Variants in ZNF662 observed in about 807,000 individuals in gnomAD.
ZNF662 encodes zinc finger protein 662.
In ZNF662, 14 loss-of-function variants were observed where a neutral mutation model predicts 12.4. That is an observed-to-expected ratio of 1.13 (90% confidence interval 0.75 to 1.77). ZNF662 has a LOEUF of 1.77. Among genes scored for constraint, ZNF662 ranks in the 40% most tolerant of loss-of-function variants. ZNF662 has a pLI of 0.00. For missense variants in ZNF662, 550 were observed against 515.6 expected (o/e 1.07, Z -0.65); for synonymous variants, 184 against 176.4 (o/e 1.04, Z -0.34).
Position 42,918,484 on chromosome 3 carries a change from C to A in ZNF662, c.*3130C>A, listed in dbSNP as rs1266386429. Among the ~76,000 whole-genome samples the A allele has an allele frequency of 6.6e-6, 1 of 152,172 alleles. No individual in the cohort carries two copies. Among genetic ancestry groups the A allele is most frequent in the South Asian group, 2.1e-4 (1 of 4,822 alleles). ...GCAGGCAGGCCCTTAGTCTGAGCCA[C>A]TCCACATTATTTCCCTTACTGTGTA... On this transcript the variant is annotated 3_prime_UTR_variant, in exon 5 of 5. Transcript: ENST00000440367.
Position 42,913,282 on chromosome 3 carries a change from G to T in ZNF662, c.233G>T (p.Gly78Val), listed in dbSNP as rs2088853213. The change falls in exon 4 of 5, where the codon GGT (glycine) becomes GTT (valine). Residue 78 changes from glycine (G) to valine (V), a missense_variant. Gly to Val is a moderately radical substitution (Grantham distance 109). Transcript: ENST00000440367. ...EPLNLKLQGEGPSLICPEGVL... is the reference protein window; with the variant it reads ...EPLNLKLQGEVPSLICPEGVL... ...TTAAACCTGAAACTGCAAGGAGAGGGTCCAAGCCTGATTTGTCCGGGTAAG... is the reference window on the plus strand; with the variant it reads ...TTAAACCTGAAACTGCAAGGAGAGGTTCCAAGCCTGATTTGTCCGGGTAAG... The T allele has an allele frequency of 1.2e-6, 2 of 1,613,862 alleles. No homozygotes were observed. Among genetic ancestry groups the T allele is most frequent in the African/African-American group, 2.7e-5 (2 of 75,018 alleles).
At chr3:42,913,088 C>A (rs779541405) in intron 3 of ZNF662, 113 bp from the exon 4 acceptor site, 13 of 725,710 alleles carry the variant, frequency 1.8e-5, no homozygotes, top group Non-Finnish European at 2.6e-5. Flanking sequence ...ATCTATGTTA[C>A]CAATCTTTTC....
chr3:42,912,283 ATATAAT>A (rs1388673779), intron 3 of ZNF662, among the ~76,000 whole-genome samples: 16 of 123,442 alleles, frequency 1.3e-4, no homozygotes, highest in African/African-American at 4.9e-4. Flanking sequence ...TTATATATAA[ATATAAT>A]TATATATAAA....
At chr3:42,912,691 A>ATTTTTTT (rs1350631884) in intron 3 of ZNF662, among the ~76,000 whole-genome samples, 2 of 20,390 alleles carry the variant, frequency 9.8e-5, no homozygotes, top group African/African-American at 2.2e-4. Flanking sequence ...AAATATATAT[A>ATTTTTTT]TATTTTATAT....
intron 3 of ZNF662, among the ~76,000 whole-genome samples, chr3:42,912,636 T>C (rs1367681791): frequency 1.3e-5 from 1 of 75,332 alleles, no homozygotes; most frequent in East Asian, 3.5e-4. Context: ...TATATTTATA[T>C]ATTTTATATA....
At chr3:42,914,299 C>T (rs769588592) in intron 4 of ZNF662, 28 bp from the exon 5 acceptor site, 4 of 1,556,256 alleles carry the variant, frequency 2.6e-6, no homozygotes, top group Non-Finnish European at 2.6e-6. Context: ...ATAATGATGA[C>T]ATTTGAAGCT....
At chr3:42,912,655 T>TATATATATATTTTTATATATATAGAA (rs1559381489) in intron 3 of ZNF662, among the ~76,000 whole-genome samples, 1 of 46,712 alleles carries the variant, frequency 2.1e-5, no homozygotes, top group Non-Finnish European at 3.6e-5. Flanking sequence ...TATATATAAA[T>TATATATATATTTTTATATATATAGAA]ATATATATAT....
At chr3:42,912,709 T>TATATATATATATTTTTTATATATATAAA (rs2088839803) in intron 3 of ZNF662, among the ~76,000 whole-genome samples, 1 of 68,224 alleles carries the variant, frequency 1.5e-5, no homozygotes, top group African/African-American at 6.6e-5. Flanking sequence ...TATATATAAA[T>TATATATATATATTTTTTATATATATAAA]ATATATATAT....
chr3:42,918,139 A>G lies in ZNF662; in HGVS notation c.*2785A>G, dbSNP rs1438621965. ...TGAAAATAATAAATAGGTGGCTCTC[A>G]TGACCTAAGGTTAATTTCATGCATA... On this transcript the variant is annotated 3_prime_UTR_variant, in exon 5 of 5. Transcript: ENST00000440367. Among the ~76,000 whole-genome samples the G allele has an allele frequency of 2.0e-5, 3 of 152,210 alleles. No individual in the cohort carries two copies. Among genetic ancestry groups the G allele is most frequent in the Non-Finnish European group, 4.4e-5 (3 of 68,042 alleles).
In ZNF662 at chr3:42,914,811, AC is replaced by A. The variant is rs1361061144; in HGVS notation, c.741del (p.Tyr248MetfsTer16). 3 of 1,613,668 alleles carry A rather than the reference AC, an allele frequency of 1.9e-6. No individual in the cohort carries two copies. Among genetic ancestry groups the A allele is most frequent in the African/African-American group, 1.3e-5 (1 of 74,778 alleles). ...ATCAGAGAATTCACAGTGGGGTGAAACCCTATGAATGTCAAGAATGTGCTAA... is the reference window on the plus strand; with the variant it reads ...ATCAGAGAATTCACAGTGGGGTGAAACCTATGAATGTCAAGAATGTGCTAA... ...AHQRIHSGVK[P>X]YECQECAKAF... is the part of the protein sequence containing the mutation. On this transcript the variant is annotated frameshift_variant, in exon 5 of 5. Coordinates refer to ENST00000440367, the MANE Select transcript of ZNF662 (RefSeq NM_207404.4). LOFTEE classifies it low-confidence loss of function (END_TRUNC).
At chr3:42,907,901 A>G in intron 1 of ZNF662, 121 bp from the exon 2 acceptor site, 2 of 1,444,596 alleles carry the variant, frequency 1.4e-6, no homozygotes, top group African/African-American at 1.4e-5. Context: ...GAGTTCCTGT[A>G]GACATTCAGA....
chr3:42,915,321 T>C lies in ZNF662; in HGVS notation c.1248T>C (p.Tyr416=), dbSNP rs773133995. The change falls in exon 5 of 5, where the codon TAT becomes TAC. Residue 416 remains tyrosine (Y), a synonymous_variant. Transcript: ENST00000440367. ...GGCGCCATGCTAGAGACAAACCCTA[T>C]AACTGTCAGATCTCTCACCTTCTTG... is the stretch of plus-strand genomic sequence containing the variant. ...HQRRHARDKP[Y]NCQISHLLEH The C allele has an allele frequency of 6.3e-7, 1 of 1,593,066 alleles. No homozygotes were observed. The highest frequency in any genetic ancestry group is 8.5e-7 in the Non-Finnish European group (1 of 1,171,170).
At position 42,917,970 on chromosome 3, in the gene ZNF662, G is replaced by A. The variant is rs935312190; in HGVS notation, c.*2616G>A. On this transcript the variant is annotated 3_prime_UTR_variant, in exon 5 of 5. Transcript: ENST00000440367. ...AAAAATACAAAATTAGCCAGGTGTG[G>A]TGGCACATGCCAGTAATCTCAGCTA... Among the ~76,000 whole-genome samples the A allele has an allele frequency of 1.3e-5, 2 of 152,210 alleles. No homozygotes were observed. Among genetic ancestry groups the A allele is most frequent in the Non-Finnish European group, 2.9e-5 (2 of 68,032 alleles).
chr3:42,912,655 T>TATATATATTTTTATATATATATAA (rs1559381487), intron 3 of ZNF662, among the ~76,000 whole-genome samples: 38 of 46,708 alleles, frequency 8.1e-4, no homozygotes, highest in Admixed American at 7.7e-3. Flanking sequence ...TATATATAAA[T>TATATATATTTTTATATATATATAA]ATATATATAT....
rs555681065 is a variant in ZNF662 at position 42,906,375 on chromosome 3, C to T, written c.-94+207C>T. The T allele has an allele frequency of 1.9e-4, 290 of 1,525,132 alleles. 2 individuals carry two copies. The East Asian group carries it at 6.6e-3, about 35-fold the overall frequency. The allele number at this position is 1,525,132 out of a possible 1,614,324, so 94.5% of individuals were successfully genotyped here. Reference sequence around the variant, plus strand: ...CTATGGCGGCCGTGGCGCTGGCGAGCGGGACACGCCTCGGCCTTGTCCTCG... The same window carrying T: ...CTATGGCGGCCGTGGCGCTGGCGAGTGGGACACGCCTCGGCCTTGTCCTCG... On this transcript the variant is annotated intron_variant, in intron 1 of 4. Coordinates refer to ENST00000440367, the MANE Select transcript of ZNF662 (RefSeq NM_207404.4). This position sits in a 1 kb window ranked among gnomAD's most constrained non-coding sequence, Gnocchi z 4.4.
chr3:42,914,154 A>G (rs1267621802), intron 4 of ZNF662, among the ~76,000 whole-genome samples, 173 bp from the exon 5 acceptor site: 10 of 147,122 alleles, frequency 6.8e-5, no homozygotes, highest in Non-Finnish European at 1.2e-4. Flanking sequence ...TGCTGTCTTT[A>G]CTTTTGGTTT....
In ZNF662 at chr3:42,917,649, T is replaced by G; in HGVS notation, c.*2295T>G. 1 of 670,774 alleles carries G rather than the reference T, an allele frequency of 1.5e-6. No individual in the cohort carries two copies. The highest frequency in any genetic ancestry group is 1.6e-5 in the South Asian group (1 of 61,466). 41.6% of individuals were successfully genotyped at this position (670,774 alleles called of 1,614,324 possible). On this transcript the variant is annotated 3_prime_UTR_variant, in exon 5 of 5. Transcript: ENST00000440367. The stretch of plus-strand genomic sequence containing the variant: ...TAAACATCTGTCAAACGAGTTAGAG[T>G]TGAGTTTTCTGTTATTTGCAACTTA...
rs190145632 is a variant in ZNF662 at position 42,919,099 on chromosome 3, T to A, written c.*3745T>A. Among the ~76,000 whole-genome samples the A allele has an allele frequency of 6.6e-6, 1 of 152,204 alleles. No individual in the cohort carries two copies. The highest frequency in any genetic ancestry group is 2.4e-5 in the African/African-American group (1 of 41,448). On this transcript the variant is annotated 3_prime_UTR_variant, in exon 5 of 5. Coordinates refer to ENST00000440367, the MANE Select transcript of ZNF662 (RefSeq NM_207404.4). ...AGAACTAGAATATTGATCCAGATTT[T>A]TACATTACTCATCCCTTTTGCTGCT...
chr3:42,908,301 A>G (rs1252873053), intron 2 of ZNF662, 153 bp downstream of exon 2: 1 of 1,422,594 alleles, frequency 7.0e-7, no homozygotes, highest in Admixed American at 2.9e-5. Context: ...GCCGTTGGAA[A>G]GTAGGAAGTC....
Sources: allele counts gnomAD v4.1 joint callset (sites outside exome capture counted in the v4.1 genomes callset), GRCh38; gene constraint gnomAD v4.1.1; non-coding constraint Gnocchi (gnomAD v3.1); transcripts MANE v1.5; gene names NCBI Gene and HGNC (gene_info 2026-07-23, HGNC 2026-07-21).